The following CLUL1 variants were observed in gnomAD, a reference collection of about 807,000 sequenced individuals.
The protein encoded by CLUL1 is clusterin-like protein 1.
Under a neutral mutation model 49.4 loss-of-function variants are expected in CLUL1, and 43 were observed. The observed-to-expected ratio is 0.87, with a 90% CI of 0.68 to 1.12. The LOEUF (loss-of-function observed/expected upper bound fraction) is 1.12, where lower values mean the gene tolerates loss of function less well. CLUL1 is among the 50% of genes most tolerant of loss of function. CLUL1 has a pLI of 0.00. For synonymous variants in CLUL1, 192 were observed against 184.9 expected, an observed-to-expected ratio of 1.04 and a Z score of -0.31; for missense variants, 486 against 544.4, an observed-to-expected ratio of 0.89 and a Z score of 1.07.
chr18:650,176 A>T lies in CLUL1; in HGVS notation c.*275A>T. 1 of 258,678 alleles carries T rather than the reference A, an allele frequency of 3.9e-6. No homozygotes were observed. The highest frequency in any genetic ancestry group is 7.2e-6 in the Non-Finnish European group (1 of 138,326). 16.0% of individuals were successfully genotyped at this position (258,678 alleles called of 1,614,324 possible). A position where few individuals can be genotyped will look rare whatever the true frequency, so the allele number is the denominator to read the frequency against. ...TTCTTTGTATATTGAATAAATACTA[A>T]ATCACCTAGGTGTCTATGTTCTATC... is the stretch of plus-strand genomic sequence containing the variant. On this transcript the variant is annotated 3_prime_UTR_variant, in exon 10 of 10. Transcript: ENST00000692774.
Position 624,861 on chromosome 18 carries a change from C to T in CLUL1, c.256-4C>T, listed in dbSNP as rs2144041305. ...ATTGGACTTTTGTTTCTACTTTTAA[C>T]TAGGAGGCCCTGAAACTTCTGAATG... On this transcript the variant is annotated splice_region_variant and splice_polypyrimidine_tract_variant and intron_variant, in intron 4 of 9. Coordinates refer to ENST00000692774, the MANE Select transcript of CLUL1 (RefSeq NM_001393344.1). The T allele has an allele frequency of 6.2e-7, 1 of 1,612,854 alleles. No homozygotes were observed. Among genetic ancestry groups the T allele is most frequent in the Non-Finnish European group, 8.5e-7 (1 of 1,179,552 alleles).
At chr18:636,695 G>A (rs1350160384) in intron 7 of CLUL1, among the ~76,000 whole-genome samples, 1 of 142,886 alleles carries the variant, frequency 7.0e-6, no homozygotes, top group Non-Finnish European at 1.5e-5. Context: ...GCACGATCTC[G>A]GCTCACTGCA....
rs146104545 is a variant in CLUL1, at chr18:616,329, CTG to C, written c.-13-1655_-13-1654del. The stretch of plus-strand genomic sequence containing the variant: ...ACAAACAAACAAAGATGCCACATGA[CTG>C]TGTAAATACACTTTTCGAACTGTTT... On this transcript the variant is annotated intron_variant, in intron 2 of 9. Transcript: ENST00000692774. Among the ~76,000 whole-genome samples, 663 of 152,288 alleles carry C rather than the reference CTG, an allele frequency of 4.4e-3. 3 individuals carry two copies. Among genetic ancestry groups the C allele is most frequent in the African/African-American group, 0.016 (645 of 41,560 alleles).
At chr18:625,561 C>T (rs916039942) in intron 5 of CLUL1, among the ~76,000 whole-genome samples, 5 of 124,684 alleles carry the variant, frequency 4.0e-5, no homozygotes, top group African/African-American at 1.6e-4. Context: ...ACACACACAC[C>T]CCTTCATGTC....
At chr18:624,053 G>A (rs2073594948) in intron 4 of CLUL1, among the ~76,000 whole-genome samples, 2 of 152,116 alleles carry the variant, frequency 1.3e-5, no homozygotes, top group Admixed American at 1.3e-4. Context: ...TTGGGCAGGG[G>A]CACAGGAAGA....
At chr18:620,557 C>T (rs1357285696) in intron 4 of CLUL1, among the ~76,000 whole-genome samples, 1 of 152,154 alleles carries the variant, frequency 6.6e-6, no homozygotes, top group Non-Finnish European at 1.5e-5. Context: ...CCCCTTTTCC[C>T]CAAGGTCATC....
chr18:600,372 C>G (rs2072791137), intron 1 of CLUL1, among the ~76,000 whole-genome samples: 2 of 152,188 alleles, frequency 1.3e-5, no homozygotes, highest in Admixed American at 1.3e-4. Context: ...ACAGTTCAGG[C>G]AAAAGTTTGA....
intron 7 of CLUL1, among the ~76,000 whole-genome samples, 179 bp downstream of exon 7, chr18:633,614 G>A (rs992959775): frequency 6.6e-6 from 1 of 152,210 alleles, no homozygotes; most frequent in Non-Finnish European, 1.5e-5. Flanking sequence ...TGGTGAGCGT[G>A]CACTTGCCAA....
intron 2 of CLUL1, among the ~76,000 whole-genome samples, chr18:611,852 G>T (rs2073142704): frequency 6.6e-6 from 1 of 152,112 alleles, no homozygotes; most frequent in African/African-American, 2.4e-5. Context: ...GACCCTGGTG[G>T]ACTGGGTAGG....
At chr18:622,422 C>G (rs910919418) in intron 4 of CLUL1, among the ~76,000 whole-genome samples, 1 of 152,170 alleles carries the variant, frequency 6.6e-6, no homozygotes, top group Non-Finnish European at 1.5e-5. Flanking sequence ...TCCCGAGTAG[C>G]TGGGATCACA....
intron 7 of CLUL1, among the ~76,000 whole-genome samples, chr18:634,274 CAT>C (rs1172615072): frequency 3.3e-5 from 5 of 152,120 alleles, no homozygotes; most frequent in Non-Finnish European, 7.4e-5. Flanking sequence ...GGATTACAGG[CAT>C]GTGCCACCAC....
intron 8 of CLUL1, among the ~76,000 whole-genome samples, chr18:643,468 A>G (rs953635994): frequency 3.3e-5 from 5 of 152,218 alleles, no homozygotes; most frequent in African/African-American, 1.2e-4. Flanking sequence ...AAAGTCTTGT[A>G]TTGAAGAATA....
chr18:649,732 A>G (rs1279329830), intron 9 of CLUL1, 166 bp from the exon 10 acceptor site: 3 of 557,882 alleles, frequency 5.4e-6, no homozygotes, highest in Admixed American at 3.4e-5. Context: ...ATATCCATGC[A>G]TATGGGTTTC....
Position 639,402 on chromosome 18 carries a change from G to C in CLUL1, c.995-1925G>C, listed in dbSNP as rs1388965255. 3.0e-5 allele frequency among the ~76,000 whole-genome samples: 4 copies of C among 133,822 alleles called. No homozygotes were observed. In the East Asian group the frequency reaches 9.0e-4, roughly 30 times the overall value. The allele number at this position is 133,822 out of a possible 152,430, so 87.8% of individuals were successfully genotyped here. ...GCCGAGATCGCACCATTGCACTCCAGCCTGGGTGACAGAGCGAGACTCCAT... is the reference window on the plus strand; with the variant it reads ...GCCGAGATCGCACCATTGCACTCCACCCTGGGTGACAGAGCGAGACTCCAT... On this transcript the variant is annotated intron_variant, in intron 7 of 9. Transcript: ENST00000692774.
intron 8 of CLUL1, among the ~76,000 whole-genome samples, chr18:642,768 T>A (rs1449447878): frequency 6.6e-6 from 1 of 152,256 alleles, no homozygotes; most frequent in African/African-American, 2.4e-5. Flanking sequence ...GTGCTGGTGC[T>A]GCTGCTAACT....
At chr18:630,243 G>A (rs62090086) in intron 6 of CLUL1, among the ~76,000 whole-genome samples, 1 of 151,902 alleles carries the variant, frequency 6.6e-6, no homozygotes, top group African/African-American at 2.4e-5. Context: ...CGAGTAGCTG[G>A]GATTACAGGC....
chr18:625,900 C>G (rs921876513), intron 5 of CLUL1, among the ~76,000 whole-genome samples: 18 of 152,292 alleles, frequency 1.2e-4, no homozygotes, highest in African/African-American at 4.3e-4. Flanking sequence ...TGCATCTGCT[C>G]TATTTTTAGA....
At chr18:605,385 T>C (rs551213401) in intron 1 of CLUL1, among the ~76,000 whole-genome samples, 3 of 152,240 alleles carry the variant, frequency 2.0e-5, no homozygotes, top group Middle Eastern at 3.4e-3. Flanking sequence ...CTCCGCACTT[T>C]GGGAGGCCTA....
chr18:641,765 A>T (rs978337608), intron 8 of CLUL1, among the ~76,000 whole-genome samples: 2 of 152,236 alleles, frequency 1.3e-5, no homozygotes, highest in African/African-American at 4.8e-5. Flanking sequence ...AATACTTTCT[A>T]ATCTAGAAAT....
Sources: gnomAD v4.1 joint callset for allele counts (sites outside exome capture counted in the v4.1 genomes callset) on GRCh38, gnomAD v4.1.1 for gene constraint, MANE v1.5 for transcripts, NCBI Gene and HGNC (gene_info 2026-07-23, HGNC 2026-07-21) for gene names.